The following SLCO2A1 variants were observed in gnomAD, a reference collection of about 807,000 sequenced individuals.
SLCO2A1 encodes matrin F/G 1.
In SLCO2A1, 60 loss-of-function variants were observed where a neutral mutation model predicts 71.7. The observed-to-expected ratio is 0.84, with a 90% CI of 0.68 to 1.04. SLCO2A1 has a LOEUF of 1.04. Among genes scored for constraint, SLCO2A1 ranks in the 50% least tolerant of loss-of-function variants. The pLI is 0.00. For missense variants in SLCO2A1, 745 were observed against 813.4 expected, an observed-to-expected ratio of 0.92 and a Z score of 1.02; for synonymous variants, 308 against 326.7, an observed-to-expected ratio of 0.94 and a Z score of 0.62.
rs73861258 is a variant in SLCO2A1 at position 133,934,902 on chromosome 3, G to A, written c.1815-72C>T. ...CCCACATCCCAGGGCCAGGACCACT[G>A]GGAAGAACCACATCATTCCCACGCT... On this transcript the variant is annotated intron_variant, in intron 13 of 13. Coordinates refer to ENST00000310926, the MANE Select transcript of SLCO2A1 (RefSeq NM_005630.3). The A allele has an allele frequency of 1.7e-3, 2,111 of 1,230,844 alleles. 36 individuals are homozygous for A. In the African/African-American group the frequency reaches 0.027, roughly 16 times the overall value. The allele number at this position is 1,230,844 out of a possible 1,614,324, so 76.2% of individuals were successfully genotyped here.
At chr3:133,984,595 C>T (rs902119248) in intron 1 of SLCO2A1, among the ~76,000 whole-genome samples, 2 of 152,162 alleles carry the variant, frequency 1.3e-5, no homozygotes, top group East Asian at 1.9e-4. Flanking sequence ...CTCGGCTGCT[C>T]GAACTTACCA....
At chr3:134,011,319 A>G (rs1437776263) in intron 1 of SLCO2A1, among the ~76,000 whole-genome samples, 10 of 152,116 alleles carry the variant, frequency 6.6e-5, no homozygotes, top group Admixed American at 3.3e-4. Flanking sequence ...AAAGTGCTGG[A>G]ATTACAGGCG....
intron 1 of SLCO2A1, among the ~76,000 whole-genome samples, chr3:133,998,425 C>A (rs1935027006): frequency 6.6e-6 from 1 of 152,198 alleles, no homozygotes; most frequent in African/African-American, 2.4e-5. Flanking sequence ...CACCCCTTGA[C>A]CTGTCTTGCC....
chr3:133,994,932 C>T (rs562172417), intron 1 of SLCO2A1, among the ~76,000 whole-genome samples: 10 of 152,280 alleles, frequency 6.6e-5, no homozygotes, highest in East Asian at 3.9e-4. Context: ...ACTTCCTACC[C>T]GTTTCCTACT....
Position 133,950,188 on chromosome 3 carries a change from C to T in SLCO2A1, c.861+1020G>A, listed in dbSNP as rs375772303. ...TAAGTAGCAGAGCTTCATTCAAACC[C>T]AGGTCTGCCTGACCCCAGCACCTGC... On this transcript the variant is annotated intron_variant, in intron 6 of 13. Coordinates refer to ENST00000310926, the MANE Select transcript of SLCO2A1 (RefSeq NM_005630.3). Among the ~76,000 whole-genome samples the T allele has an allele frequency of 1.6e-4, 25 of 152,182 alleles. 1 individual carries two copies. The highest frequency in any genetic ancestry group is 3.3e-4 in the Admixed American group (5 of 15,298).
chr3:133,945,319 A>C, intron 9 of SLCO2A1, 59 bp from the exon 10 acceptor site: 1 of 1,495,752 alleles, frequency 6.7e-7, no homozygotes, highest in African/African-American at 1.4e-5. Context: ...AAAACCCTAC[A>C]CTCCAGCCCA....
intron 3 of SLCO2A1, among the ~76,000 whole-genome samples, chr3:133,963,992 G>T (rs909037895): frequency 6.6e-6 from 1 of 152,224 alleles, no homozygotes; most frequent in Non-Finnish European, 1.5e-5. Context: ...TTCCAGTGTA[G>T]TCCACAAAGC....
intron 1 of SLCO2A1, among the ~76,000 whole-genome samples, chr3:134,005,712 A>T (rs944211645): frequency 1.3e-5 from 2 of 152,018 alleles, no homozygotes; most frequent in African/African-American, 4.8e-5. Context: ...CAATCTCCTG[A>T]CCACGTGATC....
chr3:133,988,347 C>T (rs1009850641), intron 1 of SLCO2A1, among the ~76,000 whole-genome samples: 3 of 152,202 alleles, frequency 2.0e-5, no homozygotes, highest in Non-Finnish European at 4.4e-5. Context: ...GATCCCAGGT[C>T]TTTAGATAAA....
chr3:133,945,275 G>A lies in SLCO2A1; in HGVS notation c.1296-15C>T, dbSNP rs747000329. 5 of 1,593,454 alleles carry A rather than the reference G, an allele frequency of 3.1e-6. No individual in the cohort carries two copies. Among genetic ancestry groups the A allele is most frequent in the African/African-American group, 2.7e-5 (2 of 73,858 alleles). ...AACTTGATGTGCTGCCAGCAAAAGA[G>A]GAAACGGGGAATCAAACAAAGCAAG... On this transcript the variant is annotated splice_polypyrimidine_tract_variant and intron_variant, in intron 9 of 13. Transcript: ENST00000310926.
intron 6 of SLCO2A1, 75 bp from the exon 7 acceptor site, chr3:133,949,046 C>G (rs572982817): frequency 1.5e-6 from 2 of 1,333,364 alleles, no homozygotes; most frequent in Non-Finnish European, 2.2e-6. Flanking sequence ...CCTTGAGTCT[C>G]TGGCCTCAGA....
At chr3:133,953,837 G>A (rs1933814318) in intron 4 of SLCO2A1, 76 bp from the exon 5 acceptor site, 1 of 1,135,726 alleles carries the variant, frequency 8.8e-7, no homozygotes, top group Non-Finnish European at 1.3e-6. Flanking sequence ...CAAGCTGAGG[G>A]GGAGTCTTGA....
At chr3:133,987,906 G>A (rs1024887463) in intron 1 of SLCO2A1, among the ~76,000 whole-genome samples, 1 of 152,214 alleles carries the variant, frequency 6.6e-6, no homozygotes, top group Non-Finnish European at 1.5e-5. Context: ...TCCCAAACAG[G>A]ACTCTGACAG....
intron 1 of SLCO2A1, among the ~76,000 whole-genome samples, chr3:133,992,446 G>C (rs1282810218): frequency 6.6e-6 from 1 of 152,232 alleles, no homozygotes; most frequent in African/African-American, 2.4e-5. Flanking sequence ...GGCTGTGATA[G>C]GGACAGGAGG....
intron 1 of SLCO2A1, among the ~76,000 whole-genome samples, chr3:134,013,703 C>G (rs1935386844): frequency 1.3e-5 from 2 of 152,146 alleles, no homozygotes; most frequent in Non-Finnish European, 2.9e-5. Flanking sequence ...TCTGGGAGAG[C>G]CAAGTTAGAC....
chr3:133,968,295 A>G (rs1387336727), intron 3 of SLCO2A1, among the ~76,000 whole-genome samples: 1 of 151,684 alleles, frequency 6.6e-6, no homozygotes, highest in Admixed American at 6.6e-5. Flanking sequence ...AATTACCCAC[A>G]AACAAACTCA....
intron 10 of SLCO2A1, among the ~76,000 whole-genome samples, chr3:133,944,065 C>A: frequency 6.6e-6 from 1 of 152,246 alleles, no homozygotes; most frequent in Non-Finnish European, 1.5e-5. Context: ...CAAGCCCGGC[C>A]TTTTCTCTTC....
chr3:133,963,145 C>T (rs1444866882), intron 3 of SLCO2A1, among the ~76,000 whole-genome samples: 1 of 152,176 alleles, frequency 6.6e-6, no homozygotes, highest in East Asian at 1.9e-4. Flanking sequence ...AACCCTCTGA[C>T]TCACTCCACC....
chr3:134,006,996 T>A (rs1297134663), intron 1 of SLCO2A1, among the ~76,000 whole-genome samples: 1 of 152,214 alleles, frequency 6.6e-6, no homozygotes, highest in Non-Finnish European at 1.5e-5. Flanking sequence ...TTATATTCTG[T>A]TGTTTTGTTT....
Sources: allele counts gnomAD v4.1 joint callset (sites outside exome capture counted in the v4.1 genomes callset), GRCh38; gene constraint gnomAD v4.1.1; transcripts MANE v1.5; gene names NCBI Gene and HGNC (gene_info 2026-07-23, HGNC 2026-07-21).